Variants in MALRD1 observed in about 807,000 individuals in gnomAD.
MALRD1 encodes MAM and LDL-receptor class A domain-containing protein 1.
A neutral mutation model predicts 242.1 loss-of-function variants in MALRD1; 247 were observed. The ratio of observed to expected loss-of-function variants is 1.02; its 90% CI spans 0.92 to 1.13. The LOEUF (loss-of-function observed/expected upper bound fraction) is 1.13. MALRD1 is among the 50% of genes most tolerant of loss of function. The pLI, the probability that MALRD1 is intolerant of heterozygous loss-of-function variation, is 0.00. For synonymous variants in MALRD1, 995 were observed against 866.6 expected (o/e 1.15, Z -2.60); for missense variants, 2,989 against 2,533.1 (o/e 1.18, Z -3.86).
chr10:19,105,648 C>G (rs1437366635), intron 5 of MALRD1, among the ~76,000 whole-genome samples: 1 of 152,034 alleles, frequency 6.6e-6, no homozygotes, highest in Non-Finnish European at 1.5e-5. Context: ...TTTCTACCAA[C>G]AGTATATAAG....
intron 36 of MALRD1, among the ~76,000 whole-genome samples, chr10:19,622,255 A>T (rs143903797): frequency 6.6e-6 from 1 of 151,916 alleles, no homozygotes; most frequent in East Asian, 1.9e-4. Flanking sequence ...AGTTAATTCA[A>T]ACAATAAAAA....
intron 14 of MALRD1, among the ~76,000 whole-genome samples, chr10:19,177,795 A>G (rs571398259): frequency 6.6e-6 from 1 of 152,128 alleles, no homozygotes; most frequent in Non-Finnish European, 1.5e-5. Flanking sequence ...GAGCAGGGAA[A>G]CTTAGCAAAG....
In MALRD1 at chr10:19,181,459, G is replaced by A. The variant is rs541080715; in HGVS notation, c.1951+6131G>A. Reference sequence around the variant, plus strand: ...CTATGAAATAAGCCAAACACAAGAAGGAAAATATTGCATGATCTCAATTAT... The same window carrying A: ...CTATGAAATAAGCCAAACACAAGAAAGAAAATATTGCATGATCTCAATTAT... On this transcript the variant is annotated intron_variant, in intron 14 of 39. Transcript: ENST00000454679. Among the ~76,000 whole-genome samples, 11 of 152,130 alleles carry A rather than the reference G, an allele frequency of 7.2e-5. No homozygotes were observed. In the East Asian group the frequency reaches 2.1e-3, roughly 29 times the overall value.
At chr10:19,082,984 GA>G (rs1835542699) in intron 2 of MALRD1, among the ~76,000 whole-genome samples, 1 of 152,012 alleles carries the variant, frequency 6.6e-6, no homozygotes, top group African/African-American at 2.4e-5. Context: ...TGGTTCATAA[GA>G]CAGTACTATC....
chr10:19,193,583 A>G (rs1398497557), intron 14 of MALRD1, among the ~76,000 whole-genome samples: 6 of 152,128 alleles, frequency 3.9e-5, no homozygotes, highest in Non-Finnish European at 8.8e-5. Flanking sequence ...AAATGGAATT[A>G]TTAAATTGTG....
intron 38 of MALRD1, among the ~76,000 whole-genome samples, chr10:19,726,607 G>A (rs997396835): frequency 5.3e-5 from 8 of 151,966 alleles, no homozygotes; most frequent in African/African-American, 1.9e-4. Flanking sequence ...TATATACCTC[G>A]AAGAATCAAA....
At chr10:19,654,581 G>A (rs1841054652) in intron 36 of MALRD1, among the ~76,000 whole-genome samples, 1 of 152,162 alleles carries the variant, frequency 6.6e-6, no homozygotes, top group Non-Finnish European at 1.5e-5. Flanking sequence ...GTAAATGACT[G>A]TCTTTTCTTT....
intron 19 of MALRD1, 125 bp from the exon 20 acceptor site, chr10:19,279,922 A>G: frequency 1.5e-6 from 1 of 660,688 alleles, no homozygotes; most frequent in African/African-American, 1.9e-5. Flanking sequence ...AGAGTAGCTG[A>G]TACTACCCAC....
At chr10:19,658,543 A>G (rs1407000299) in intron 36 of MALRD1, among the ~76,000 whole-genome samples, 1 of 152,112 alleles carries the variant, frequency 6.6e-6, no homozygotes, top group Non-Finnish European at 1.5e-5. Context: ...GGAATATTAG[A>G]GAGATCTTTA....
At chr10:19,299,443 T>C (rs1841846666) in intron 21 of MALRD1, among the ~76,000 whole-genome samples, 1 of 151,920 alleles carries the variant, frequency 6.6e-6, no homozygotes, top group Admixed American at 6.6e-5. Context: ...GCGCATTAGA[T>C]AATAAAGGGT....
At chr10:19,568,564 A>G (rs575968163) in intron 33 of MALRD1, among the ~76,000 whole-genome samples, 1 of 152,240 alleles carries the variant, frequency 6.6e-6, no homozygotes, top group East Asian at 1.9e-4. Flanking sequence ...AGTCACTCCC[A>G]TGGTTAACAT....
chr10:19,370,289 A>G lies in MALRD1; in HGVS notation c.4442-17239A>G, dbSNP rs759600930. On this transcript the variant is annotated intron_variant, in intron 26 of 39. Transcript: ENST00000454679. ...ACCCTACTGGGATATTGATTATCAT[A>G]TTATTAAATCTGTTAATCTGGGAGG... Among the ~76,000 whole-genome samples, 10 of 152,238 alleles carry G rather than the reference A, an allele frequency of 6.6e-5. 1 individual carries two copies. Among genetic ancestry groups the G allele is most frequent in the Non-Finnish European group, 1.2e-4 (8 of 67,998 alleles).
chr10:19,685,965 G>A (rs1842564949), intron 36 of MALRD1, among the ~76,000 whole-genome samples: 1 of 152,072 alleles, frequency 6.6e-6, no homozygotes, highest in Non-Finnish European at 1.5e-5. Flanking sequence ...TTGGGTTGAG[G>A]GTCCAATTCT....
chr10:19,248,492 G>GT (rs1362123907), intron 18 of MALRD1, among the ~76,000 whole-genome samples: 6 of 151,706 alleles, frequency 4.0e-5, no homozygotes, highest in East Asian at 1.9e-4. Flanking sequence ...AGAATTAATA[G>GT]TTTTTTAAAT....
chr10:19,440,526 A>G (rs986325407), intron 28 of MALRD1, among the ~76,000 whole-genome samples: 2 of 151,976 alleles, frequency 1.3e-5, no homozygotes, highest in African/African-American at 4.8e-5. Flanking sequence ...CCGATGTGTG[A>G]TGTTCCCCAC....
chr10:19,102,885 G>A (rs2131333337), intron 4 of MALRD1, among the ~76,000 whole-genome samples: 1 of 151,460 alleles, frequency 6.6e-6, no homozygotes, highest in African/African-American at 2.4e-5. Flanking sequence ...GTCTTACTCT[G>A]TCACCTGGGC....
At chr10:19,396,215 G>A (rs1846573971) in intron 28 of MALRD1, among the ~76,000 whole-genome samples, 1 of 142,336 alleles carries the variant, frequency 7.0e-6, no homozygotes, top group Admixed American at 7.5e-5. Flanking sequence ...TCAGCTCACT[G>A]CAACCTCCAC....
At chr10:19,726,190 C>T (rs535010107) in intron 38 of MALRD1, among the ~76,000 whole-genome samples, 58 of 152,106 alleles carry the variant, frequency 3.8e-4, no homozygotes, top group African/African-American at 1.3e-3. Context: ...AGAAAATATT[C>T]AAAAGTACGT....
At chr10:19,373,194 C>T (rs573398807) in intron 26 of MALRD1, among the ~76,000 whole-genome samples, 4 of 88,968 alleles carry the variant, frequency 4.5e-5, no homozygotes, top group African/African-American at 1.5e-4. Flanking sequence ...TTTCAGCAAA[C>T]GCTAAATACA....
Sources: gnomAD v4.1 joint callset for allele counts (sites outside exome capture counted in the v4.1 genomes callset) on GRCh38, gnomAD v4.1.1 for gene constraint, MANE v1.5 for transcripts, NCBI Gene and HGNC (gene_info 2026-07-23, HGNC 2026-07-21) for gene names.